Variants in SLCO2A1 observed in about 807,000 individuals in gnomAD.
The protein encoded by SLCO2A1 is solute carrier organic anion transporter family member 2A1, also known as matrin F/G 1.
Under a neutral mutation model 71.7 loss-of-function variants are expected in SLCO2A1, and 60 were observed. The observed-to-expected ratio is 0.84, with a 90% CI of 0.68 to 1.04. The LOEUF (loss-of-function observed/expected upper bound fraction) is 1.04. SLCO2A1 is among the 50% of genes least tolerant of loss of function. The pLI is 0.00. For synonymous variants in SLCO2A1, 308 were observed against 326.7 expected (o/e 0.94, Z 0.62); for missense variants, 745 against 813.4 (o/e 0.92, Z 1.02).
At chr3:133,941,035 T>A (rs1357445879) in intron 11 of SLCO2A1, among the ~76,000 whole-genome samples, 1 of 152,208 alleles carries the variant, frequency 6.6e-6, no homozygotes, top group Admixed American at 6.5e-5. Flanking sequence ...TGACACACCC[T>A]AAGTTTTGTG....
At position 133,974,868 on chromosome 3, in the gene SLCO2A1, C is replaced by T. The variant is rs375842503; in HGVS notation, c.235-1043G>A. Among the ~76,000 whole-genome samples, 25 of 152,328 alleles carry T rather than the reference C, an allele frequency of 1.6e-4. 1 individual carries two copies. Among genetic ancestry groups the T allele is most frequent in the Admixed American group, 3.3e-4 (5 of 15,302 alleles). ...CCCACTTTCCTCCTGGGTGGAGAAA[C>T]GGGTACTCCTATGTCAGGAAACAGA... On this transcript the variant is annotated intron_variant, in intron 2 of 13. Coordinates refer to ENST00000310926, the MANE Select transcript of SLCO2A1 (RefSeq NM_005630.3).
chr3:133,952,790 A>T (rs116462912), intron 5 of SLCO2A1, among the ~76,000 whole-genome samples: 277 of 152,262 alleles, frequency 1.8e-3, no homozygotes, highest in African/African-American at 6.5e-3. Context: ...CATTTTACAG[A>T]TGAGGAAGCT....
At chr3:134,002,352 C>A (rs997638099) in intron 1 of SLCO2A1, among the ~76,000 whole-genome samples, 2 of 152,164 alleles carry the variant, frequency 1.3e-5, no homozygotes, top group Admixed American at 6.5e-5. Context: ...AGTTTTTGCC[C>A]CAGGCCACAG....
intron 3 of SLCO2A1, among the ~76,000 whole-genome samples, chr3:133,960,782 A>T (rs1260940966): frequency 6.6e-6 from 1 of 152,186 alleles, no homozygotes; most frequent in Non-Finnish European, 1.5e-5. Context: ...GCCAGGGAGC[A>T]TATGAGAGAG....
At chr3:133,935,168 C>T (rs1397067070) in intron 13 of SLCO2A1, among the ~76,000 whole-genome samples, 1 of 152,202 alleles carries the variant, frequency 6.6e-6, no homozygotes, top group Non-Finnish European at 1.5e-5. Flanking sequence ...TTCTCACTGC[C>T]CTCTTGGCCT....
chr3:133,940,911 C>T (rs534677867), intron 11 of SLCO2A1, among the ~76,000 whole-genome samples: 4 of 152,260 alleles, frequency 2.6e-5, no homozygotes, highest in South Asian at 2.1e-4. Context: ...CCAGGAGCAG[C>T]GGTGCTCACT....
chr3:133,980,638 C>G (rs1934567723), intron 1 of SLCO2A1, among the ~76,000 whole-genome samples: 1 of 152,254 alleles, frequency 6.6e-6, no homozygotes. Flanking sequence ...CATGAATGAA[C>G]AGCTGCCATC....
rs188925721 is a variant in SLCO2A1, at chr3:134,025,335, A to G, written c.96+4372T>C. Among the ~76,000 whole-genome samples the G allele has an allele frequency of 2.5e-4, 38 of 152,268 alleles. No homozygotes were observed. In the East Asian group the frequency reaches 7.1e-3, roughly 29 times the overall value. On this transcript the variant is annotated intron_variant, in intron 1 of 13. Coordinates refer to ENST00000310926, the MANE Select transcript of SLCO2A1 (RefSeq NM_005630.3). ...CTATACAAGGTATGTAGCCCAGGAA[A>G]TGACCAACCTGATGTGTGTTATGAC...
At chr3:134,009,869 G>A (rs1935296550) in intron 1 of SLCO2A1, among the ~76,000 whole-genome samples, 1 of 152,174 alleles carries the variant, frequency 6.6e-6, no homozygotes, top group Non-Finnish European at 1.5e-5. Flanking sequence ...TTAAGACGGG[G>A]ACTCCCAGAG....
At chr3:134,004,090 C>A (rs1935154553) in intron 1 of SLCO2A1, among the ~76,000 whole-genome samples, 1 of 142,646 alleles carries the variant, frequency 7.0e-6, no homozygotes, top group Admixed American at 7.1e-5. Context: ...TAATGAATCT[C>A]TTCGTGTGTG....
chr3:133,938,877 C>T (rs114193519), intron 11 of SLCO2A1, among the ~76,000 whole-genome samples: 4 of 152,114 alleles, frequency 2.6e-5, no homozygotes, highest in African/African-American at 7.2e-5. Context: ...AAGCAGAGGG[C>T]AGTAGAGGCT....
intron 10 of SLCO2A1, 132 bp from the exon 11 acceptor site, chr3:133,942,900 G>A: frequency 1.0e-6 from 1 of 977,872 alleles, no homozygotes; most frequent in South Asian, 2.2e-5. Flanking sequence ...TGGTTCCCAG[G>A]GAAGCTGGGT....
intron 9 of SLCO2A1, among the ~76,000 whole-genome samples, 183 bp from the exon 10 acceptor site, chr3:133,945,443 T>A (rs1933549514): frequency 6.6e-6 from 1 of 152,182 alleles, no homozygotes; most frequent in Admixed American, 6.5e-5. Context: ...TGCCACTGTT[T>A]AGTGGTCACG....
In SLCO2A1 at chr3:133,942,620, T is replaced by G. The variant is rs760445572; in HGVS notation, c.1610A>C (p.Tyr537Ser). 2 of 1,612,098 alleles carry G rather than the reference T, an allele frequency of 1.2e-6. No homozygotes were observed. The highest frequency in any genetic ancestry group is 2.2e-5 in the South Asian group (2 of 90,696). Residue 537 changes from tyrosine (Y) to serine (S), a missense_variant, in exon 11 of 14, where the codon TAC (tyrosine) becomes TCC (serine). By Grantham distance (144) the Tyr-to-Ser change is moderately radical (BLOSUM62 -2). Transcript: ENST00000310926. ...TGCCACTCACCGCAGAACCATCATG[T>G]AGAGGGGGTTGTGGGAGATGCAGGC... Reference protein sequence around the residue: ...LIACISHNPLYMMVLRVVNQE... With the variant: ...LIACISHNPLSMMVLRVVNQE...
At chr3:133,990,090 G>A (rs937080392) in intron 1 of SLCO2A1, among the ~76,000 whole-genome samples, 3 of 152,200 alleles carry the variant, frequency 2.0e-5, no homozygotes, top group Non-Finnish European at 2.9e-5. Flanking sequence ...TGCCACGTTC[G>A]CCAATTCTAA....
intron 2 of SLCO2A1, among the ~76,000 whole-genome samples, chr3:133,977,007 C>A (rs1311794710): frequency 1.3e-5 from 2 of 152,186 alleles, no homozygotes; most frequent in African/African-American, 2.4e-5. Context: ...AAGGTTCATG[C>A]TTCCTGGAGG....
At chr3:134,017,582 C>T (rs1576461381) in intron 1 of SLCO2A1, among the ~76,000 whole-genome samples, 1 of 152,326 alleles carries the variant, frequency 6.6e-6, no homozygotes, top group South Asian at 2.1e-4. Flanking sequence ...TGCAGGCTTC[C>T]TGATGGGCTC....
chr3:133,985,501 T>C (rs1934693203), intron 1 of SLCO2A1, among the ~76,000 whole-genome samples: 1 of 152,226 alleles, frequency 6.6e-6, no homozygotes, highest in Admixed American at 6.5e-5. Context: ...AAAATGAAGA[T>C]GAATTACACG....
chr3:134,028,927 G>T (rs1192730891), intron 1 of SLCO2A1, among the ~76,000 whole-genome samples: 1 of 152,204 alleles, frequency 6.6e-6, no homozygotes, highest in Non-Finnish European at 1.5e-5. Flanking sequence ...CCATGGGAAA[G>T]GTGCTCTCAT....
Sources: allele counts gnomAD v4.1 joint callset (sites outside exome capture counted in the v4.1 genomes callset), GRCh38; gene constraint gnomAD v4.1.1; transcripts MANE v1.5; gene names NCBI Gene and HGNC (gene_info 2026-07-23, HGNC 2026-07-21).